Variants in KIF20B observed in about 807,000 individuals in gnomAD.
KIF20B encodes the protein kinesin family member 20B.
Under a neutral mutation model 232.5 loss-of-function variants are expected in KIF20B, and 188 were observed. The ratio of observed to expected loss-of-function variants is 0.81; its 90% CI spans 0.72 to 0.91. The LOEUF (loss-of-function observed/expected upper bound fraction) is 0.91, where lower values mean the gene tolerates loss of function less well. Ranked by LOEUF, KIF20B falls within the 40% of genes least tolerant of loss-of-function variation. KIF20B has a pLI of 0.00. For missense variants in KIF20B, 2,154 were observed against 2,055.9 expected (o/e 1.05, Z -0.92); for synonymous variants, 712 against 683.0 (o/e 1.04, Z -0.66).
At chr10:89,754,723 G>T (rs1842086539) in intron 26 of KIF20B, 50 bp downstream of exon 26, 1 of 1,334,866 alleles carries the variant, frequency 7.5e-7, no homozygotes, top group Admixed American at 2.7e-5. Flanking sequence ...TCCTTGGTGT[G>T]TTAAATGTAT....
At chr10:89,714,835 G>C (rs947977107) in intron 7 of KIF20B, 120 bp from the exon 8 acceptor site, 1 of 647,044 alleles carries the variant, frequency 1.5e-6, no homozygotes, top group Admixed American at 3.5e-5. Context: ...TTTTAACATA[G>C]ATGGTCAAAA....
At chr10:89,768,178 A>T in intron 29 of KIF20B, 112 bp from the exon 30 acceptor site, 1 of 695,118 alleles carries the variant, frequency 1.4e-6, no homozygotes, top group Non-Finnish European at 2.5e-6. Context: ...GCCCTCGGTT[A>T]AGAGTCACTG....
chr10:89,726,102 G>A (rs1589860503), intron 15 of KIF20B, among the ~76,000 whole-genome samples, 191 bp from the exon 16 acceptor site: 1 of 152,092 alleles, frequency 6.6e-6, no homozygotes, highest in Non-Finnish European at 1.5e-5. Flanking sequence ...ATGCCTCATG[G>A]TCCATACAGC....
chr10:89,705,264 T>A, intron 1 of KIF20B, 30 bp from the exon 2 acceptor site: 1 of 1,605,932 alleles, frequency 6.2e-7, no homozygotes, highest in African/African-American at 1.3e-5. Context: ...CTTATTAAGG[T>A]TGTTAAAGAA....
chr10:89,732,863 C>G (rs1292344165), intron 18 of KIF20B, 40 bp from the exon 19 acceptor site: 1 of 1,433,784 alleles, frequency 7.0e-7, no homozygotes, highest in Non-Finnish European at 9.3e-7. Flanking sequence ...TTTTTTGTAG[C>G]TTTCTATATG....
intron 29 of KIF20B, 77 bp downstream of exon 29, chr10:89,762,912 A>G (rs568601150): frequency 1.4e-5 from 14 of 1,033,114 alleles, no homozygotes; most frequent in African/African-American, 6.3e-5. Context: ...TTAAACTGCT[A>G]TATTGCCCTC....
Position 89,726,418 on chromosome 10 carries a change from T to C in KIF20B, c.2127T>C (p.Ala709=). Residue 709 remains alanine, a synonymous_variant, in exon 16 of 33, where the codon GCT becomes GCC. Transcript: ENST00000371728. ...YIASLPDPQE[A]TACLELKFNQ... is the part of the protein sequence containing the mutation. The stretch of plus-strand genomic sequence containing the variant: ...CATCTCTTCCTGACCCCCAGGAAGC[T>C]ACTGCTTGTTTAGAACTAAAGTTTA... 6.3e-7 allele frequency: 1 copy of C among 1,598,376 alleles called. No individual in the cohort carries two copies. Among genetic ancestry groups the C allele is most frequent in the African/African-American group, 1.3e-5 (1 of 74,386 alleles).
chr10:89,765,675 C>T (rs1842344673), intron 29 of KIF20B, among the ~76,000 whole-genome samples: 1 of 152,012 alleles, frequency 6.6e-6, no homozygotes, highest in Non-Finnish European at 1.5e-5. Context: ...GGTACTGGTA[C>T]CAAAACAGAG....
chr10:89,711,127 G>A lies in KIF20B; in HGVS notation c.657G>A (p.Leu219=). The A allele has an allele frequency of 6.5e-7, 1 of 1,545,460 alleles. No homozygotes were observed. Among genetic ancestry groups the A allele is most frequent in the Non-Finnish European group, 8.7e-7 (1 of 1,143,712 alleles). Residue 219 remains leucine (L), a synonymous_variant, in exon 6 of 33, where the codon TTG becomes TTA. Transcript: ENST00000371728. ...AAGAAATTGCTAGCAAAAGTGCATT[G>A]CTTCGGCAAATTAAAGAGGTATGGA... The part of the protein sequence containing the change: ...EKEEIASKSA[L]LRQIKEVTVH...
intron 31 of KIF20B, among the ~76,000 whole-genome samples, chr10:89,771,869 G>A (rs1431603345): frequency 6.6e-6 from 1 of 151,880 alleles, no homozygotes; most frequent in African/African-American, 2.4e-5. Context: ...GCTTTCTCAG[G>A]TTTAGTCTCT....
intron 8 of KIF20B, 117 bp from the exon 9 acceptor site, chr10:89,716,319 G>A: frequency 1.8e-6 from 1 of 561,330 alleles, no homozygotes; most frequent in East Asian, 3.1e-5. Context: ...GCTAGGATGT[G>A]TTGTTAGAAG....
rs544323612 is a variant in KIF20B, at chr10:89,764,194, A to G, written c.4989+1359A>G. Among the ~76,000 whole-genome samples the G allele has an allele frequency of 3.8e-3, 577 of 151,492 alleles. 5 individuals carry two copies. Among genetic ancestry groups the G allele is most frequent in the African/African-American group, 0.013 (545 of 41,228 alleles). ...AGTTTACTGAGAATGATGATTTCCA[A>G]TTTCATCCATGTCCCTACAAAGGAC... On this transcript the variant is annotated intron_variant, in intron 29 of 32. Coordinates refer to ENST00000371728, the MANE Select transcript of KIF20B (RefSeq NM_001284259.2).
At chr10:89,737,251 A>G (rs1841677731) in intron 19 of KIF20B, 136 bp from the exon 20 acceptor site, 5 of 973,226 alleles carry the variant, frequency 5.1e-6, no homozygotes, top group African/African-American at 1.9e-5. Context: ...TTTTTTCTCA[A>G]CAGCTTATTT....
chr10:89,724,813 C>G (rs1330200721), intron 14 of KIF20B, among the ~76,000 whole-genome samples: 1 of 152,062 alleles, frequency 6.6e-6, no homozygotes, highest in Admixed American at 6.6e-5. Flanking sequence ...GACGGTGTTG[C>G]TGTGTTGGCC....
Position 89,709,198 on chromosome 10 carries a change from A to C in KIF20B, c.179A>C (p.Gln60Pro), listed in dbSNP as rs375851858. ...ANSFESKDYL[Q>P]VCLRIRPFTQ... ...AGTTTCGAATCTAAAGATTATCTCC[A>C]GGTTTGTCTTCGAATAAGACCATTT... The change falls in exon 3 of 33, where the codon CAG (glutamine) becomes CCG (proline). Residue 60 changes from glutamine to proline, a missense_variant. Transcript: ENST00000371728. 42 of 1,609,830 alleles carry C rather than the reference A, an allele frequency of 2.6e-5. No individual in the cohort carries two copies. Among genetic ancestry groups the C allele is most frequent in the Non-Finnish European group, 3.4e-5 (40 of 1,177,268 alleles).
intron 16 of KIF20B, 79 bp downstream of exon 16, chr10:89,726,600 T>A: frequency 8.1e-7 from 1 of 1,228,304 alleles, no homozygotes; most frequent in Non-Finnish European, 1.1e-6. Flanking sequence ...GAGATTTATG[T>A]AGCTCATTTA....
At chr10:89,714,288 G>A (rs1842892853) in intron 7 of KIF20B, among the ~76,000 whole-genome samples, 1 of 152,018 alleles carries the variant, frequency 6.6e-6, no homozygotes, top group Non-Finnish European at 1.5e-5. Context: ...AGACCATCCT[G>A]GCCAACATGA....
chr10:89,762,650 G>A lies in KIF20B; in HGVS notation c.4804G>A (p.Val1602Ile). ...SRNKIEDGSV[V>I]LDSCEVSTEN... ...CATTCTGTTGTAGGATGGATCTGTA[G>A]TCCTTGACTCTTGTGAAGTGTCAAC... Residue 1602 changes from valine to isoleucine, a missense_variant, in exon 29 of 33, where the codon GTC (valine) becomes ATC (isoleucine). Transcript: ENST00000371728. The A allele has an allele frequency of 1.2e-6, 2 of 1,612,300 alleles. No homozygotes were observed. Among genetic ancestry groups the A allele is most frequent in the Non-Finnish European group, 1.7e-6 (2 of 1,178,646 alleles).
intron 26 of KIF20B, among the ~76,000 whole-genome samples, chr10:89,757,036 GTGTGTATATA>G (rs1407795768): frequency 2.4e-5 from 2 of 82,222 alleles, no homozygotes; most frequent in African/African-American, 4.3e-5. Context: ...GTGTGTGTGT[GTGTGTATATA>G]TATATATATA....
Sources: allele counts gnomAD v4.1 joint callset (sites outside exome capture counted in the v4.1 genomes callset), GRCh38; gene constraint gnomAD v4.1.1; transcripts MANE v1.5; gene names NCBI Gene and HGNC (gene_info 2026-07-23, HGNC 2026-07-21).